The following ALS2 variants were observed in gnomAD, a reference collection of about 807,000 sequenced individuals.
ALS2 encodes the protein alsin Rho guanine nucleotide exchange factor ALS2, also known as alsin.
ALS2 carries 117 observed loss-of-function variants against 203.4 expected under a neutral mutation model. That is an observed-to-expected ratio of 0.58 (90% CI 0.50 to 0.67). ALS2 has a LOEUF of 0.67. ALS2 is among the 30% of genes least tolerant of loss of function. The pLI, the probability that ALS2 is intolerant of heterozygous loss-of-function variation, is 0.00. For synonymous variants in ALS2, 718 were observed against 725.9 expected (o/e 0.99, Z 0.17); for missense variants, 1,715 against 1,989.4 (o/e 0.86, Z 2.62).
At chr2:201,738,804 T>C in intron 11 of ALS2, 69 bp from the exon 12 acceptor site, 2 of 1,261,578 alleles carry the variant, frequency 1.6e-6, no homozygotes, top group Non-Finnish European at 2.3e-6. Context: ...TCCAAACACA[T>C]ACCTGGAATA....
chr2:201,705,765 TA>T (rs56953805), intron 29 of ALS2, among the ~76,000 whole-genome samples: 2 of 150,588 alleles, frequency 1.3e-5, no homozygotes, highest in East Asian at 1.9e-4. Context: ...AAGCACAAAA[TA>T]AAAAAAAAGC....
intron 12 of ALS2, among the ~76,000 whole-genome samples, chr2:201,737,567 T>G (rs562793000): frequency 6.6e-6 from 1 of 152,320 alleles, no homozygotes; most frequent in African/African-American, 2.4e-5. Flanking sequence ...AAAAGTATTC[T>G]CATTAAAACT....
intron 5 of ALS2, among the ~76,000 whole-genome samples, chr2:201,756,542 C>G (rs562780290): frequency 1.3e-5 from 2 of 152,140 alleles, no homozygotes; most frequent in South Asian, 4.1e-4. Flanking sequence ...CATGGCCAAA[C>G]AGGGCCTACC....
intron 11 of ALS2, among the ~76,000 whole-genome samples, chr2:201,739,006 A>G (rs1370244700): frequency 2.6e-5 from 4 of 152,084 alleles, no homozygotes; most frequent in African/African-American, 7.2e-5. Context: ...TGGGAGGCTA[A>G]GGCGGGAGGA....
chr2:201,754,733 T>C (rs887332319), intron 5 of ALS2, 62 bp from the exon 6 acceptor site: 3 of 1,571,518 alleles, frequency 1.9e-6, no homozygotes, highest in African/African-American at 2.7e-5. Flanking sequence ...AAACATATCA[T>C]TTGGACAAAC....
chr2:201,734,218 C>T (rs1334688620), intron 12 of ALS2, among the ~76,000 whole-genome samples: 1 of 152,140 alleles, frequency 6.6e-6, no homozygotes, highest in Non-Finnish European at 1.5e-5. Flanking sequence ...TTCACACCTG[C>T]AATCCCAGCA....
In ALS2 at chr2:201,735,785, A is replaced by G. The variant is rs943467317; in HGVS notation, c.2418-2347T>C. 2.0e-5 allele frequency among the ~76,000 whole-genome samples: 3 copies of G among 152,228 alleles called. No individual in the cohort carries two copies. In the East Asian group the frequency reaches 5.8e-4, roughly 29 times the overall value. On this transcript the variant is annotated intron_variant, in intron 12 of 33. Transcript: ENST00000264276. ...CCAGAGGAAGGTCAACAACAGCAGA[A>G]TAAGGAACCAGGGTCAGTAACTGCT...
intron 4 of ALS2, 42 bp downstream of exon 4, chr2:201,760,839 C>A: frequency 1.3e-6 from 2 of 1,579,240 alleles, no homozygotes; most frequent in South Asian, 2.3e-5. Flanking sequence ...CCATACAGTT[C>A]AACTCTAGAC....
chr2:201,712,514 T>C (rs1690091278), intron 25 of ALS2, among the ~76,000 whole-genome samples: 1 of 152,200 alleles, frequency 6.6e-6, no homozygotes, highest in Non-Finnish European at 1.5e-5. Context: ...TAAAGCTCAT[T>C]TAAAAATTAA....
intron 23 of ALS2, 164 bp downstream of exon 23, chr2:201,722,879 C>T (rs1690897530): frequency 3.3e-6 from 2 of 609,498 alleles, no homozygotes; most frequent in Non-Finnish European, 5.8e-6. Context: ...TGTTCTGAAA[C>T]TGGATTGTGG....
rs988835434 is a variant in ALS2, at chr2:201,761,939, C to G, written c.176-121G>C. 4.5e-6 allele frequency: 5 copies of G among 1,109,534 alleles called. No homozygotes were observed. The African/African-American group carries it at 6.4e-5, about 14-fold the overall frequency. The allele number at this position is 1,109,534 out of a possible 1,614,324, so 68.7% of individuals were successfully genotyped here. ...AAATTGGATTTTCTTTTTAAATTTT[C>G]AAAAGCAGTTGTAGAAATCTGGTTC... On this transcript the variant is annotated intron_variant, in intron 3 of 33. Coordinates refer to ENST00000264276, the MANE Select transcript of ALS2 (RefSeq NM_020919.4).
At chr2:201,778,181 G>A (rs564571535) in intron 1 of ALS2, among the ~76,000 whole-genome samples, 1 of 152,140 alleles carries the variant, frequency 6.6e-6, no homozygotes, top group Non-Finnish European at 1.5e-5. Flanking sequence ...GTGAACTGAA[G>A]AACTGTGTGA....
rs769759465 is a variant in ALS2 at position 201,726,599 on chromosome 2, A to C, written c.3183-50T>G. On this transcript the variant is annotated intron_variant, in intron 18 of 33. Coordinates refer to ENST00000264276, the MANE Select transcript of ALS2 (RefSeq NM_020919.4). ...TGCATGTCAACTAATATTTCAGATAATTAATACTTTTTCTATCATGTGATG... is the reference window on the plus strand; with the variant it reads ...TGCATGTCAACTAATATTTCAGATACTTAATACTTTTTCTATCATGTGATG... 7.5e-6 allele frequency: 12 copies of C among 1,609,828 alleles called. No homozygotes were observed. The South Asian group carries it at 1.2e-4, about 16-fold the overall frequency.
At chr2:201,733,535 T>C (rs1170954568) in intron 12 of ALS2, 97 bp from the exon 13 acceptor site, 1 of 1,087,860 alleles carries the variant, frequency 9.2e-7, no homozygotes, top group African/African-American at 1.6e-5. Context: ...TCTTTCAGAA[T>C]GCACATTTTT....
chr2:201,766,107 C>T (rs1276908592), intron 3 of ALS2, among the ~76,000 whole-genome samples: 1 of 152,182 alleles, frequency 6.6e-6, no homozygotes, highest in Non-Finnish European at 1.5e-5. Context: ...TGGCATACAA[C>T]TGCTTAACAA....
chr2:201,737,617 TA>T (rs1373395166), intron 12 of ALS2, among the ~76,000 whole-genome samples: 5 of 152,082 alleles, frequency 3.3e-5, no homozygotes, highest in African/African-American at 1.2e-4. Flanking sequence ...TCTATTAGGA[TA>T]AAAAATCAAA....
chr2:201,767,503 A>G, intron 2 of ALS2, 120 bp from the exon 3 acceptor site: 1 of 1,079,934 alleles, frequency 9.3e-7, no homozygotes, highest in Non-Finnish European at 1.4e-6. Context: ...CAGATAGCTG[A>G]ATTAGCACCT....
In ALS2 at chr2:201,747,828, A is replaced by G. The variant is rs561577474; in HGVS notation, c.1816-1080T>C. On this transcript the variant is annotated intron_variant, in intron 8 of 33. Coordinates refer to ENST00000264276, the MANE Select transcript of ALS2 (RefSeq NM_020919.4). Reference sequence around the variant, plus strand: ...TGAGAACCACTGCCTTTAAACCAATAATTTTCAAACCTCGGGATTCCACAC... The same window carrying G: ...TGAGAACCACTGCCTTTAAACCAATGATTTTCAAACCTCGGGATTCCACAC... Among the ~76,000 whole-genome samples the G allele has an allele frequency of 5.3e-5, 8 of 152,192 alleles. No individual in the cohort carries two copies. In the East Asian group the frequency reaches 1.5e-3, roughly 29 times the overall value.
chr2:201,779,698 T>A (rs1022452531), intron 1 of ALS2, among the ~76,000 whole-genome samples: 2 of 152,206 alleles, frequency 1.3e-5, no homozygotes, highest in African/African-American at 2.4e-5. Flanking sequence ...GGAAAACATT[T>A]TTATCCCCAA....
Sources: gnomAD v4.1 joint callset for allele counts (sites outside exome capture counted in the v4.1 genomes callset) on GRCh38, gnomAD v4.1.1 for gene constraint, MANE v1.5 for transcripts, NCBI Gene and HGNC (gene_info 2026-07-23, HGNC 2026-07-21) for gene names.